CD53: variants seen among roughly 807,000 people sequenced by gnomAD.
CD53 encodes the protein CD53 molecule, also known as leukocyte surface antigen CD53.
A neutral mutation model predicts 27.3 loss-of-function variants in CD53; 20 were observed. That is an observed-to-expected ratio of 0.73 (90% CI 0.52 to 1.07). The LOEUF (loss-of-function observed/expected upper bound fraction) is 1.07, where lower values mean the gene tolerates loss of function less well. Among genes scored for constraint, CD53 ranks in the 50% least tolerant of loss-of-function variants. CD53 has a pLI of 0.00. For synonymous variants in CD53, 106 were observed against 105.3 expected (o/e 1.01, Z -0.04); for missense variants, 216 against 264.0 (o/e 0.82, Z 1.26).
chr1:110,878,793 T>G (rs752106988), intron 1 of CD53, among the ~76,000 whole-genome samples: 2 of 152,224 alleles, frequency 1.3e-5, no homozygotes, highest in African/African-American at 2.4e-5. Flanking sequence ...TTTTCCAACA[T>G]GTCTTAACAG....
At chr1:110,897,367 C>T (rs1657112104) in intron 6 of CD53, among the ~76,000 whole-genome samples, 1 of 152,220 alleles carries the variant, frequency 6.6e-6, no homozygotes, top group Non-Finnish European at 1.5e-5. Flanking sequence ...TGGAGAAAGA[C>T]TAGGACAACC....
At chr1:110,898,424 C>T (rs1249430710) in intron 7 of CD53, among the ~76,000 whole-genome samples, 1 of 151,084 alleles carries the variant, frequency 6.6e-6, no homozygotes, top group Non-Finnish European at 1.5e-5. Context: ...ATTCATTCCT[C>T]AGAGATATGA....
At chr1:110,875,234 G>T (rs976565819) in intron 1 of CD53, among the ~76,000 whole-genome samples, 2 of 152,182 alleles carry the variant, frequency 1.3e-5, no homozygotes, top group African/African-American at 4.8e-5. Flanking sequence ...AGACTGCAGT[G>T]TAACACACCA....
chr1:110,892,720 G>A, intron 3 of CD53, 187 bp downstream of exon 3: 1 of 556,620 alleles, frequency 1.8e-6, no homozygotes, highest in South Asian at 2.5e-5. Flanking sequence ...CCACGGACAG[G>A]TGAAAGAGGG....
At position 110,894,994 on chromosome 1, in the gene CD53, G is replaced by A; in HGVS notation, c.362G>A (p.Ser121Asn). ...NEYVAKGLTD[S>N]IHRYHSDNST... is the part of the protein sequence containing the mutation. Reference sequence around the variant, plus strand: ...TATGTGGCTAAGGGTCTGACCGACAGCATCCACCGTTACCACTCAGACAAT... The same window carrying A: ...TATGTGGCTAAGGGTCTGACCGACAACATCCACCGTTACCACTCAGACAAT... Residue 121 changes from serine (S) to asparagine (N), a missense_variant, in exon 5 of 8, where the codon AGC becomes AAC. Coordinates refer to ENST00000271324, the MANE Select transcript of CD53 (RefSeq NM_000560.4). The A allele has an allele frequency of 2.5e-6, 4 of 1,614,020 alleles. No homozygotes were observed. Among genetic ancestry groups the A allele is most frequent in the Non-Finnish European group, 3.4e-6 (4 of 1,179,932 alleles).
At chr1:110,871,440 G>A (rs548264966), upstream of CD53, among the ~76,000 whole-genome samples, 21 of 152,218 alleles carry the variant, frequency 1.4e-4, no homozygotes, top group South Asian at 4.1e-3. Flanking sequence ...AGGCCAGTCA[G>A]GCCTTTCCTG....
intron 1 of CD53, among the ~76,000 whole-genome samples, chr1:110,877,097 C>A (rs1437676650): frequency 6.6e-6 from 1 of 152,142 alleles, no homozygotes; most frequent in African/African-American, 2.4e-5. Context: ...TTCTTTATAG[C>A]AAAAGGAAAT....
chr1:110,878,122 T>C (rs1467758176), intron 1 of CD53, among the ~76,000 whole-genome samples: 1 of 152,206 alleles, frequency 6.6e-6, no homozygotes, highest in Non-Finnish European at 1.5e-5. Flanking sequence ...ATTTGCAGAA[T>C]GGGGCTAATG....
At chr1:110,892,593 C>A in intron 3 of CD53, 60 bp downstream of exon 3, 2 of 1,347,680 alleles carry the variant, frequency 1.5e-6, no homozygotes, top group South Asian at 1.3e-5. Flanking sequence ...AAATCCCAGG[C>A]AAGATGTTTC....
chr1:110,899,073 A>G (rs1570915777), intron 7 of CD53, 51 bp from the exon 8 acceptor site: 5 of 1,435,222 alleles, frequency 3.5e-6, no homozygotes, highest in Middle Eastern at 1.7e-4. Flanking sequence ...GCATTGTGAA[A>G]GAAATGGCTT....
At position 110,899,133 on chromosome 1, in the gene CD53, A is replaced by T. The variant is rs1250639236; in HGVS notation, c.598A>T (p.Met200Leu). The change falls in exon 8 of 8, where the codon ATG becomes TTG. Residue 200 changes from methionine (M) to leucine (L), a missense_variant. Coordinates refer to ENST00000271324, the MANE Select transcript of CD53 (RefSeq NM_000560.4). Reference sequence around the variant, plus strand: ...CCAACTCTTTTCACAGGTGTTGGGGATGTCCTTTGCACTGACCCTGAACTG... The same window carrying T: ...CCAACTCTTTTCACAGGTGTTGGGGTTGTCCTTTGCACTGACCCTGAACTG... ...ICVCVIEVLG[M>L]SFALTLNCQI... The T allele has an allele frequency of 3.1e-6, 5 of 1,613,562 alleles. No individual in the cohort carries two copies. The highest frequency in any genetic ancestry group is 2.2e-5 in the East Asian group (1 of 44,890).
Position 110,892,473 on chromosome 1 carries a change from G to T in CD53, c.192G>T (p.Met64Ile). 1.9e-6 allele frequency: 3 copies of T among 1,614,160 alleles called. No individual in the cohort carries two copies. The highest frequency in any genetic ancestry group is 2.5e-6 in the Non-Finnish European group (3 of 1,180,028). ...NVFVIVGSIIMVVAFLGCMGS... is the reference protein window; with the variant it reads ...NVFVIVGSIIIVVAFLGCMGS... ...TTGTCATCGTGGGCTCTATTATCAT[G>T]GTAGTTGCCTTCCTGGGCTGCATGG... The change falls in exon 3 of 8, where the codon ATG becomes ATT. Residue 64 changes from methionine (M) to isoleucine (I), a missense_variant. Transcript: ENST00000271324.
At chr1:110,896,580 T>C in intron 5 of CD53, 73 bp from the exon 6 acceptor site, 1 of 1,411,170 alleles carries the variant, frequency 7.1e-7, no homozygotes, top group East Asian at 2.3e-5. Flanking sequence ...GGCACACCTT[T>C]TCCTCTAAGG....
Position 110,891,440 on chromosome 1 carries a change from A to T in CD53, c.32A>T (p.Tyr11Phe), listed in dbSNP as rs1336415667. The T allele has an allele frequency of 7.4e-6, 12 of 1,613,826 alleles. No homozygotes were observed. Among genetic ancestry groups the T allele is most frequent in the Non-Finnish European group, 1.0e-5 (12 of 1,179,840 alleles). The change falls in exon 2 of 8, where the codon TAT becomes TTT. Residue 11 changes from tyrosine (Y) to phenylalanine (F), a missense_variant. Transcript: ENST00000271324. Reference sequence around the variant, plus strand: ...ATGAGTAGCTTGAAACTGCTGAAGTATGTCCTGTTTTTCTTCAACTTGCTC... The same window carrying T: ...ATGAGTAGCTTGAAACTGCTGAAGTTTGTCCTGTTTTTCTTCAACTTGCTC... MGMSSLKLLK[Y>F]VLFFFNLLFW...
intron 7 of CD53, among the ~76,000 whole-genome samples, chr1:110,898,359 A>T (rs1657156632): frequency 6.8e-6 from 1 of 146,224 alleles, no homozygotes; most frequent in Admixed American, 7.0e-5. Context: ...CCTGGGCGAC[A>T]GAGCGAGACT....
intron 1 of CD53, among the ~76,000 whole-genome samples, chr1:110,875,833 G>A (rs528416277): frequency 1.2e-4 from 18 of 152,316 alleles, no homozygotes; most frequent in Admixed American, 2.0e-4. Flanking sequence ...TAGGTTTTGG[G>A]AAAGAGAAAG....
upstream of CD53, among the ~76,000 whole-genome samples, chr1:110,872,198 A>G (rs1413371555): frequency 6.6e-6 from 1 of 152,224 alleles, no homozygotes; most frequent in African/African-American, 2.4e-5. Context: ...GACCCAATCT[A>G]AGAAAATTCC....
intron 1 of CD53, among the ~76,000 whole-genome samples, chr1:110,890,997 TTTC>T (rs1288902847): frequency 1.3e-5 from 2 of 152,270 alleles, no homozygotes; most frequent in Non-Finnish European, 2.9e-5. Flanking sequence ...AGCTGTTGGC[TTTC>T]TTGATGGCTG....
At chr1:110,894,161 A>G in intron 3 of CD53, 166 bp from the exon 4 acceptor site, 2 of 631,436 alleles carry the variant, frequency 3.2e-6, no homozygotes, top group Non-Finnish European at 2.9e-6. Context: ...AATTGTAGAA[A>G]AAGAACACAT....
Sources: gnomAD v4.1 joint callset for allele counts (sites outside exome capture counted in the v4.1 genomes callset) on GRCh38, gnomAD v4.1.1 for gene constraint, MANE v1.5 for transcripts, NCBI Gene and HGNC (gene_info 2026-07-23, HGNC 2026-07-21) for gene names.